The following CDH18 variants were observed in gnomAD, a reference collection of about 807,000 sequenced individuals.
CDH18 encodes cadherin-18.
CDH18 carries 31 observed loss-of-function variants against 67.9 expected under a neutral mutation model. The ratio of observed to expected loss-of-function variants is 0.46; its 90% CI spans 0.34 to 0.62. CDH18 has a LOEUF of 0.62. Ranked by LOEUF, CDH18 falls within the 20% of genes least tolerant of loss-of-function variation. The pLI, the probability that CDH18 is intolerant of heterozygous loss-of-function variation, is 0.01. For missense variants in CDH18, 890 were observed against 975.5 expected, an observed-to-expected ratio of 0.91 and a Z score of 1.17; for synonymous variants, 362 against 347.2, an observed-to-expected ratio of 1.04 and a Z score of -0.48.
chr5:20,333,062 GCAAAACAATATTGAA>G (rs1739329399), intron 1 of CDH18, among the ~76,000 whole-genome samples: 1 of 152,062 alleles, frequency 6.6e-6, no homozygotes, highest in South Asian at 2.1e-4. Context: ...CAATGTTGAG[GCAAAACAATATTGAA>G]CAAAACAATA....
At chr5:19,615,162 A>AAT (rs1271299338) in intron 5 of CDH18, among the ~76,000 whole-genome samples, 1 of 151,942 alleles carries the variant, frequency 6.6e-6, no homozygotes, top group East Asian at 1.9e-4. Context: ...GAAAAAAAAA[A>AAT]AAAATCATAA....
intron 11 of CDH18, among the ~76,000 whole-genome samples, chr5:19,490,283 A>T (rs1741192547): frequency 6.6e-6 from 1 of 151,994 alleles, no homozygotes; most frequent in South Asian, 2.1e-4. Context: ...TTAGTAAGGA[A>T]AGAATTAAAG....
At chr5:19,937,187 G>A (rs13172152) in intron 2 of CDH18, among the ~76,000 whole-genome samples, 63,877 of 150,952 alleles carry the variant, frequency 0.42, 15,908 homozygotes, top group Middle Eastern at 0.64. Flanking sequence ...AGGTGGGAAG[G>A]GTCTTTTGTA....
chr5:20,371,765 G>A lies in CDH18; in HGVS notation c.-579-116260C>T, dbSNP rs557516203. ...GGAGAAGGGCCCTTGAGAACAAGAC[G>A]GGTGATGGGATTCAGAAGACTGACT... On this transcript the variant is annotated intron_variant, in intron 1 of 14. Coordinates refer to the CDH18 transcript ENST00000507958. Among the ~76,000 whole-genome samples the A allele has an allele frequency of 3.3e-5, 5 of 152,298 alleles. No homozygotes were observed. The South Asian group carries it at 8.3e-4, about 25-fold the overall frequency.
chr5:19,889,907 C>T (rs993122777), intron 2 of CDH18, among the ~76,000 whole-genome samples: 3 of 152,096 alleles, frequency 2.0e-5, no homozygotes, highest in Admixed American at 2.0e-4. Context: ...AATATGTACA[C>T]ATGAGAAAAA....
At chr5:19,721,553 G>T in intron 4 of CDH18, 87 bp from the exon 5 acceptor site, 2 of 1,224,064 alleles carry the variant, frequency 1.6e-6, no homozygotes, top group Non-Finnish European at 2.3e-6. Flanking sequence ...TGCTGAAATA[G>T]CTATGGAGAT....
chr5:19,775,578 T>A (rs1774276078), intron 3 of CDH18, among the ~76,000 whole-genome samples: 1 of 152,134 alleles, frequency 6.6e-6, no homozygotes, highest in Middle Eastern at 3.4e-3. Context: ...AATGACCAGA[T>A]TTCAGGAGAA....
At chr5:19,813,097 A>G (rs1475566038) in intron 3 of CDH18, among the ~76,000 whole-genome samples, 1 of 152,146 alleles carries the variant, frequency 6.6e-6, no homozygotes, top group African/African-American at 2.4e-5. Flanking sequence ...CAATGAGAAC[A>G]CATGGACACA....
chr5:20,090,665 G>A (rs1745336674), intron 2 of CDH18, among the ~76,000 whole-genome samples: 1 of 152,114 alleles, frequency 6.6e-6, no homozygotes, highest in Admixed American at 6.6e-5. Context: ...AAAGATGTAT[G>A]TAGACCAGAA....
intron 1 of CDH18, among the ~76,000 whole-genome samples, chr5:20,456,869 T>C (rs1750871571): frequency 6.6e-6 from 1 of 152,192 alleles, no homozygotes; most frequent in Non-Finnish European, 1.5e-5. Flanking sequence ...ACTTTTATTG[T>C]AAATTAAAGG....
chr5:20,305,615 CA>C (rs1462244002), intron 1 of CDH18: 1 of 476,664 alleles, frequency 2.1e-6, no homozygotes, highest in Non-Finnish European at 3.8e-6. Context: ...TGGTGCTCGG[CA>C]AACCCAGAGA....
chr5:20,066,248 C>T (rs1580162212), intron 2 of CDH18, among the ~76,000 whole-genome samples: 1 of 152,066 alleles, frequency 6.6e-6, no homozygotes, highest in East Asian at 1.9e-4. Context: ...ATGTAGAGCT[C>T]CACTATCCCT....
intron 1 of CDH18, among the ~76,000 whole-genome samples, chr5:20,398,616 C>T (rs999532108): frequency 3.9e-5 from 6 of 152,080 alleles, no homozygotes; most frequent in African/African-American, 2.4e-5. Context: ...CACATGTATA[C>T]CTATGTAAAA....
intron 1 of CDH18, among the ~76,000 whole-genome samples, chr5:20,573,671 T>C (rs1198796456): frequency 6.6e-6 from 1 of 150,638 alleles, no homozygotes; most frequent in Non-Finnish European, 1.5e-5. Flanking sequence ...AAGGTTATAA[T>C]AGATTTAAAA....
intron 1 of CDH18, among the ~76,000 whole-genome samples, chr5:20,508,385 CTT>C (rs1330158985): frequency 1.5e-5 from 2 of 132,156 alleles, no homozygotes; most frequent in Non-Finnish European, 3.2e-5. Context: ...ATTTGGAAAA[CTT>C]TTGCTGATAA....
chr5:20,096,706 C>T (rs1332281447), intron 2 of CDH18, among the ~76,000 whole-genome samples: 1 of 151,894 alleles, frequency 6.6e-6, no homozygotes, highest in Non-Finnish European at 1.5e-5. Flanking sequence ...AAATGGTCTG[C>T]CTTTTGCTAA....
At chr5:19,593,707 C>CCTCCTCCTTCTTCTTCTTCTT in intron 6 of CDH18, among the ~76,000 whole-genome samples, 125 of 33,362 alleles carry the variant, frequency 3.7e-3, no homozygotes, top group African/African-American at 0.011. Flanking sequence ...TCCTCCTCCT[C>CCTCCTCCTTCTTCTTCTTCTT]CTTCTTCTTC....
At chr5:20,307,721 G>A (rs1736594830) in intron 1 of CDH18, among the ~76,000 whole-genome samples, 1 of 152,042 alleles carries the variant, frequency 6.6e-6, no homozygotes, top group African/African-American at 2.4e-5. Flanking sequence ...AATATCCCAA[G>A]TCATAGCCAA....
At chr5:19,574,608 T>A (rs1047649390) in intron 7 of CDH18, among the ~76,000 whole-genome samples, 1 of 152,024 alleles carries the variant, frequency 6.6e-6, no homozygotes, top group Non-Finnish European at 1.5e-5. Flanking sequence ...CCAAAAAAAA[T>A]GGTATTTATA....
Sources: gnomAD v4.1 joint callset for allele counts (sites outside exome capture counted in the v4.1 genomes callset) on GRCh38, gnomAD v4.1.1 for gene constraint, MANE v1.5 for transcripts, NCBI Gene and HGNC (gene_info 2026-07-23, HGNC 2026-07-21) for gene names.